Variants in MKX observed in about 807,000 individuals in gnomAD.
MKX encodes the protein homeobox protein Mohawk.
In MKX, 13 loss-of-function variants were observed where a neutral mutation model predicts 36.0. That is an observed-to-expected ratio of 0.36 (90% CI 0.24 to 0.57). The LOEUF (loss-of-function observed/expected upper bound fraction) is 0.57, where lower values mean the gene tolerates loss of function less well. Among genes scored for constraint, MKX ranks in the 20% least tolerant of loss-of-function variants. The probability of loss-of-function intolerance (pLI) is 0.79; values close to 1 mark genes in which losing one functional copy is unlikely to be tolerated. For missense variants in MKX, 458 were observed against 456.4 expected (o/e 1.00, Z -0.03); for synonymous variants, 176 against 178.3 (o/e 0.99, Z 0.10).
intron 5 of MKX, among the ~76,000 whole-genome samples, chr10:27,709,784 G>A (rs1215045839): frequency 6.6e-6 from 1 of 152,080 alleles, no homozygotes; most frequent in East Asian, 1.9e-4. Context: ...CCACCATTTG[G>A]GAAGCCCCGT....
intron 5 of MKX, among the ~76,000 whole-genome samples, chr10:27,698,846 A>G (rs1816780675): frequency 6.6e-6 from 1 of 152,210 alleles, no homozygotes; most frequent in Non-Finnish European, 1.5e-5. Flanking sequence ...TCAGTCGCAT[A>G]TAGAAAAAAA....
intron 5 of MKX, among the ~76,000 whole-genome samples, chr10:27,723,084 C>T (rs961293390): frequency 6.6e-6 from 1 of 152,096 alleles, no homozygotes; most frequent in Non-Finnish European, 1.5e-5. Flanking sequence ...TCCTCGCACA[C>T]CTTTCAAGAT....
rs192220665 is a variant in MKX, at chr10:27,743,275, G to T, written c.141C>A (p.Asp47Glu). The T allele has an allele frequency of 3.0e-5, 46 of 1,548,036 alleles. No individual in the cohort carries two copies. The East Asian group carries it at 1.1e-3, about 38-fold the overall frequency. The change falls in exon 2 of 7, where the codon GAC (aspartate) becomes GAA (glutamate). Residue 47 changes from aspartate (D) to glutamate (E), a missense_variant. Physicochemically the swap from Asp to Glu is conservative, Grantham distance 45. This residue lies in a region of MKX where 149 missense variants were observed against 114.3 expected (regional missense o/e 1.30). Coordinates refer to ENST00000419761, the MANE Select transcript of MKX (RefSeq NM_173576.3). ...PHARPEVGIP[D>E]GPPLKDNLGL... ...CGAGGTTGTCCTTGAGGGGCGGGCC[G>T]TCGGGAATGCCCACCTCGGGGCGGG... is the stretch of plus-strand genomic sequence containing the variant.
chr10:27,721,957 T>C (rs937055249), intron 5 of MKX, among the ~76,000 whole-genome samples: 1 of 152,138 alleles, frequency 6.6e-6, no homozygotes, highest in African/African-American at 2.4e-5. Context: ...AATTGGCTGT[T>C]CATTTGGTGG....
chr10:27,689,397 C>T (rs779453377), intron 5 of MKX, among the ~76,000 whole-genome samples: 1 of 152,292 alleles, frequency 6.6e-6, no homozygotes, highest in South Asian at 2.1e-4. Context: ...TAAACTTAAA[C>T]CTTAAAACTC....
At chr10:27,698,842 G>A (rs772431225) in intron 5 of MKX, among the ~76,000 whole-genome samples, 16 of 151,586 alleles carry the variant, frequency 1.1e-4, no homozygotes, top group Non-Finnish European at 1.8e-4. Context: ...AAAGTCAGTC[G>A]CATATAGAAA....
intron 5 of MKX, among the ~76,000 whole-genome samples, chr10:27,726,648 T>C (rs1834495050): frequency 6.6e-6 from 1 of 152,120 alleles, no homozygotes; most frequent in Non-Finnish European, 1.5e-5. Context: ...TTAGTTTCAT[T>C]TTACTCTTTC....
intron 5 of MKX, among the ~76,000 whole-genome samples, chr10:27,703,275 C>G (rs1373331433): frequency 3.3e-5 from 5 of 152,108 alleles, no homozygotes; most frequent in African/African-American, 1.2e-4. Context: ...TGAAACAGCC[C>G]TGGGAGGTGG....
intron 5 of MKX, among the ~76,000 whole-genome samples, chr10:27,713,297 C>T (rs545645161): frequency 6.6e-6 from 1 of 152,160 alleles, no homozygotes; most frequent in Admixed American, 6.5e-5. Flanking sequence ...GCCATCTGGG[C>T]TACACAACAG....
intron 5 of MKX, among the ~76,000 whole-genome samples, chr10:27,695,973 C>T (rs564958526): frequency 6.6e-6 from 1 of 150,862 alleles, no homozygotes; most frequent in African/African-American, 2.5e-5. Flanking sequence ...TATAAAGACA[C>T]AGAGAAAAAT....
chr10:27,724,997 T>C (rs1429252472), intron 5 of MKX, among the ~76,000 whole-genome samples: 1 of 152,194 alleles, frequency 6.6e-6, no homozygotes, highest in Non-Finnish European at 1.5e-5. Flanking sequence ...ATACTCCAAG[T>C]TCTCAAAAGT....
intron 5 of MKX, among the ~76,000 whole-genome samples, chr10:27,729,827 G>T (rs913346575): frequency 4.6e-5 from 7 of 152,112 alleles, no homozygotes; most frequent in African/African-American, 9.7e-5. Context: ...ATTCAAGTTA[G>T]AAAAGGTTCC....
At chr10:27,692,811 T>C (rs1836478997) in intron 5 of MKX, among the ~76,000 whole-genome samples, 1 of 152,230 alleles carries the variant, frequency 6.6e-6, no homozygotes, top group African/African-American at 2.4e-5. Flanking sequence ...GATGAGGTTT[T>C]ATGAACAGAG....
At chr10:27,701,925 G>A (rs933366424) in intron 5 of MKX, among the ~76,000 whole-genome samples, 2 of 151,610 alleles carry the variant, frequency 1.3e-5, no homozygotes, top group African/African-American at 4.8e-5. Context: ...GAAGGAATAT[G>A]TTTTCAAATA....
intron 2 of MKX, 84 bp downstream of exon 2, chr10:27,743,144 C>T (rs1834948107): frequency 7.7e-7 from 1 of 1,299,102 alleles, no homozygotes; most frequent in Non-Finnish European, 1.0e-6. Flanking sequence ...CACCCGCCCG[C>T]GTTGCCACGG....
At chr10:27,709,543 A>G (rs547759804) in intron 5 of MKX, among the ~76,000 whole-genome samples, 1 of 152,316 alleles carries the variant, frequency 6.6e-6, no homozygotes, top group South Asian at 2.1e-4. Context: ...ACTGGTAACA[A>G]TAGCAAAACA....
intron 5 of MKX, among the ~76,000 whole-genome samples, chr10:27,686,429 GGA>G (rs1836353874): frequency 6.7e-6 from 1 of 149,466 alleles, no homozygotes; most frequent in African/African-American, 2.5e-5. Context: ...AAGGAAGGAA[GGA>G]AGGAAGGAAG....
chr10:27,743,586 G>C (rs113813002), intron 1 of MKX, 89 bp from the exon 2 acceptor site: 19 of 707,508 alleles, frequency 2.7e-5, no homozygotes, highest in African/African-American at 2.5e-4. Flanking sequence ...CCGGGTCGCC[G>C]GGCTGCGGAG....
chr10:27,716,866 A>G (rs1836975338), intron 5 of MKX, among the ~76,000 whole-genome samples: 1 of 152,202 alleles, frequency 6.6e-6, no homozygotes, highest in African/African-American at 2.4e-5. Context: ...CCATGTTAAA[A>G]GGAACTATAC....
Sources: gnomAD v4.1 joint callset for allele counts (sites outside exome capture counted in the v4.1 genomes callset) on GRCh38, gnomAD v4.1.1 for gene constraint, gnomAD v4.1.1 regional missense constraint, MANE v1.5 for transcripts, NCBI Gene and HGNC (gene_info 2026-07-23, HGNC 2026-07-21) for gene names.